Variants in CDCA2 observed in about 807,000 individuals in gnomAD.
CDCA2 encodes the protein cell division cycle-associated protein 2.
In CDCA2, 44 loss-of-function variants were observed where a neutral mutation model predicts 67.0. The observed-to-expected ratio is 0.66, with a 90% CI of 0.52 to 0.84. The LOEUF is 0.84. Among genes scored for constraint, CDCA2 ranks in the 40% least tolerant of loss-of-function variants. CDCA2 has a pLI of 0.00. For missense variants in CDCA2, 1,253 were observed against 1,203.2 expected, an observed-to-expected ratio of 1.04 and a Z score of -0.61; for synonymous variants, 447 against 418.7, an observed-to-expected ratio of 1.07 and a Z score of -0.82.
In CDCA2 at chr8:25,487,235, T is replaced by A; in HGVS notation, c.1445-11T>A. On this transcript the variant is annotated splice_polypyrimidine_tract_variant and intron_variant, in intron 11 of 14. Transcript: ENST00000330560. Reference sequence around the variant, plus strand: ...TTCCTACCCTGATTTAGCTTTTGTCTTGTTTATCAGGCACTGATACCTTTA... The same window carrying A: ...TTCCTACCCTGATTTAGCTTTTGTCATGTTTATCAGGCACTGATACCTTTA... The A allele has an allele frequency of 6.3e-7, 1 of 1,589,636 alleles. No individual in the cohort carries two copies. Among genetic ancestry groups the A allele is most frequent in the South Asian group, 1.1e-5 (1 of 89,976 alleles).
chr8:25,480,702 G>A lies in CDCA2; in HGVS notation c.1032+578G>A, dbSNP rs901354299. On this transcript the variant is annotated intron_variant, in intron 8 of 14. Coordinates refer to ENST00000330560, the MANE Select transcript of CDCA2 (RefSeq NM_152562.4). ...TGTTTGACATACACTTAGGCTTGTA[G>A]GTTGTTAAGTGAACCCAGATAAGTC... 1.2e-4 allele frequency among the ~76,000 whole-genome samples: 19 copies of A among 152,282 alleles called. No homozygotes were observed. In the East Asian group the frequency reaches 3.7e-3, roughly 29 times the overall value.
intron 7 of CDCA2, chr8:25,479,650 A>C: frequency 2.1e-6 from 1 of 483,114 alleles, no homozygotes; most frequent in South Asian, 2.1e-5. Flanking sequence ...TCAACCTCTG[A>C]CTCAGAGATT....
intron 13 of CDCA2, 148 bp downstream of exon 13, chr8:25,488,837 G>A: frequency 1.4e-6 from 1 of 702,696 alleles, no homozygotes; most frequent in South Asian, 2.4e-5. Context: ...AATGGGGTGG[G>A]GGGGTTATGT....
chr8:25,483,621 G>C lies in CDCA2; in HGVS notation c.1120+135G>C, dbSNP rs1374858706. 6 of 641,626 alleles carry C rather than the reference G, an allele frequency of 9.4e-6. No individual in the cohort carries two copies. The African/African-American group carries it at 1.1e-4, about 12-fold the overall frequency. The allele number at this position is 641,626 out of a possible 1,614,324, so 39.7% of individuals were successfully genotyped here. ...AATAACACGTGAATGAAGAACAGTT[G>C]AGAAGGTTAGAATCTCCTTGGAGAG... is the stretch of plus-strand genomic sequence containing the variant. On this transcript the variant is annotated intron_variant, in intron 9 of 14. Transcript: ENST00000330560.
intron 7 of CDCA2, among the ~76,000 whole-genome samples, chr8:25,478,711 G>T (rs923328465): frequency 6.6e-6 from 1 of 151,914 alleles, no homozygotes; most frequent in African/African-American, 2.4e-5. Flanking sequence ...TTGGCTTTGT[G>T]TGCATAATGT....
chr8:25,507,706 A>T lies in CDCA2; in HGVS notation c.3040A>T (p.Arg1014Trp). 6.2e-7 allele frequency: 1 copy of T among 1,612,884 alleles called. No homozygotes were observed. Among genetic ancestry groups the T allele is most frequent in the Non-Finnish European group, 8.5e-7 (1 of 1,179,692 alleles). ...AGAGAGCTCTCTGACTGCCTTGGAA[A>T]GGATTGAACATAATGGAGAAAGAAA... is the stretch of plus-strand genomic sequence containing the variant. ...KGESSLTALE[R>W]IEHNGERKQ is the part of the protein sequence containing the mutation. The change falls in exon 15 of 15, where the codon AGG becomes TGG. Residue 1014 changes from arginine to tryptophan, a missense_variant. Transcript: ENST00000330560.
intron 13 of CDCA2, among the ~76,000 whole-genome samples, chr8:25,497,695 A>G (rs1445955510): frequency 6.6e-6 from 1 of 152,108 alleles, no homozygotes; most frequent in Admixed American, 6.6e-5. Flanking sequence ...GAAAATTGCT[A>G]AGAGATGACA....
intron 13 of CDCA2, among the ~76,000 whole-genome samples, chr8:25,502,420 G>A (rs1179833571): frequency 3.3e-5 from 5 of 151,822 alleles, no homozygotes; most frequent in Admixed American, 1.3e-4. Context: ...ACCCCATTCC[G>A]GATATTATTA....
At chr8:25,494,855 A>G (rs1449395947) in intron 13 of CDCA2, among the ~76,000 whole-genome samples, 1 of 151,884 alleles carries the variant, frequency 6.6e-6, no homozygotes, top group Non-Finnish European at 1.5e-5. Context: ...ATTCGGACCC[A>G]CATAAGGACA....
At position 25,493,563 on chromosome 8, in the gene CDCA2, T is replaced by C. The variant is rs150433529; in HGVS notation, c.1671+4874T>C. ...ACCAAGGATTAATGTCACTAATATT[T>C]GAAGAGCTTCTAAATTACTTAGAAA... On this transcript the variant is annotated intron_variant, in intron 13 of 14. Coordinates refer to ENST00000330560, the MANE Select transcript of CDCA2 (RefSeq NM_152562.4). Among the ~76,000 whole-genome samples the C allele has an allele frequency of 3.7e-4, 56 of 152,316 alleles. No homozygotes were observed. The East Asian group carries it at 0.011, about 29-fold the overall frequency.
At position 25,462,051 on chromosome 8, in the gene CDCA2, C is replaced by T. The variant is rs1338916800; in HGVS notation, c.233-3C>T. On this transcript the variant is annotated splice_polypyrimidine_tract_variant and splice_region_variant and intron_variant, in intron 3 of 14. Transcript: ENST00000330560. ...TCCAATTTATAAGAGAGTTTCATTA[C>T]AGGAAAGTCATCATCCTACCTTAAA... The T allele has an allele frequency of 6.2e-7, 1 of 1,611,864 alleles. No homozygotes were observed. Among genetic ancestry groups the T allele is most frequent in the East Asian group, 2.2e-5 (1 of 44,808 alleles).
intron 13 of CDCA2, among the ~76,000 whole-genome samples, chr8:25,497,667 AAAT>A: frequency 6.6e-6 from 1 of 152,104 alleles, no homozygotes; most frequent in Non-Finnish European, 1.5e-5. Flanking sequence ...GGTGACTAGG[AAAT>A]AATAATGTAT....
chr8:25,507,337 C>G lies in CDCA2; in HGVS notation c.2671C>G (p.Arg891Gly). ...GAGGAGAAATAGTGAAACCAAAGTGCGACGTAGCACGAGGCTACAGAAGGA... is the reference window on the plus strand; with the variant it reads ...GAGGAGAAATAGTGAAACCAAAGTGGGACGTAGCACGAGGCTACAGAAGGA... ...FQRRNSETKV[R>G]RSTRLQKDLE... The change falls in exon 15 of 15, where the codon CGA becomes GGA. Residue 891 changes from arginine (R) to glycine (G), a missense_variant. Coordinates refer to ENST00000330560, the MANE Select transcript of CDCA2 (RefSeq NM_152562.4). The G allele has an allele frequency of 6.2e-7, 1 of 1,613,700 alleles. No homozygotes were observed. Among genetic ancestry groups the G allele is most frequent in the Non-Finnish European group, 8.5e-7 (1 of 1,179,906 alleles).
Position 25,468,229 on chromosome 8 carries a change from G to A in CDCA2, c.551G>A (p.Gly184Asp). ...SEMTDLTRKE[G>D]LSACQQSGFP... Reference sequence around the variant, plus strand: ...TTTGTGTTTATAGCCAGAAAGGAAGGTCTCAGCGCTTGCCAGCAGTCTGGG... The same window carrying A: ...TTTGTGTTTATAGCCAGAAAGGAAGATCTCAGCGCTTGCCAGCAGTCTGGG... Residue 184 changes from glycine to aspartate, a missense_variant, in exon 6 of 15, where the codon GGT becomes GAT. Physicochemically the swap from Gly to Asp is moderately conservative, Grantham distance 94. Coordinates refer to ENST00000330560, the MANE Select transcript of CDCA2 (RefSeq NM_152562.4). 6.2e-7 allele frequency: 1 copy of A among 1,601,810 alleles called. No homozygotes were observed. The highest frequency in any genetic ancestry group is 8.5e-7 in the Non-Finnish European group (1 of 1,172,818).
chr8:25,487,365 G>A (rs1586505113), intron 12 of CDCA2, 31 bp downstream of exon 12: 1 of 1,415,980 alleles, frequency 7.1e-7, no homozygotes, highest in Non-Finnish European at 9.9e-7. Flanking sequence ...CAACGTATTT[G>A]TTTTTAAATC....
Position 25,479,760 on chromosome 8 carries a change from A to G in CDCA2, c.821-153A>G, listed in dbSNP as rs1331544757. On this transcript the variant is annotated intron_variant, in intron 7 of 14. Transcript: ENST00000330560. The stretch of plus-strand genomic sequence containing the variant: ...TTCTTTACCTCCTTTTCTGTTTCCA[A>G]ATGAAATCCCAGACGTTACTGCCCA... 4.4e-6 allele frequency: 3 copies of G among 685,834 alleles called. No homozygotes were observed. The Admixed American group carries it at 8.4e-5, about 19-fold the overall frequency. 42.5% of individuals were successfully genotyped at this position (685,834 alleles called of 1,614,324 possible). A position where few individuals can be genotyped will look rare whatever the true frequency, so the allele number is the denominator to read the frequency against.
chr8:25,485,964 A>C (rs1803760383), intron 11 of CDCA2, 127 bp downstream of exon 11: 1 of 527,328 alleles, frequency 1.9e-6, no homozygotes. Context: ...AAAACACCTA[A>C]TAGTATTGGG....
At position 25,503,487 on chromosome 8, in the gene CDCA2, C is replaced by T; in HGVS notation, c.1786C>T (p.Leu596=). The T allele has an allele frequency of 6.2e-7, 1 of 1,614,004 alleles. No individual in the cohort carries two copies. The highest frequency in any genetic ancestry group is 8.5e-7 in the Non-Finnish European group (1 of 1,179,958). The change falls in exon 14 of 15, where the codon CTG becomes TTG. Residue 596 remains leucine, a synonymous_variant. Coordinates refer to ENST00000330560, the MANE Select transcript of CDCA2 (RefSeq NM_152562.4). ...GCCCCTCCTCAGTCCTATTCCCGAG[C>T]TGCCTGAAGTCCCTGAGATGACACC... ...KKPLLSPIPE[L]PEVPEMTPSI...
In CDCA2 at chr8:25,490,163, A is replaced by T. The variant is rs138794346; in HGVS notation, c.1671+1474A>T. 4.3e-4 allele frequency among the ~76,000 whole-genome samples: 66 copies of T among 152,302 alleles called. No homozygotes were observed. In the East Asian group the frequency reaches 0.011, roughly 26 times the overall value. On this transcript the variant is annotated intron_variant, in intron 13 of 14. Coordinates refer to ENST00000330560, the MANE Select transcript of CDCA2 (RefSeq NM_152562.4). The stretch of plus-strand genomic sequence containing the variant: ...GAAAAAATACCATTAATTCAAAAAT[A>T]TACATACAACTTATTACATTAGAAA...
Sources: gnomAD v4.1 joint callset for allele counts (sites outside exome capture counted in the v4.1 genomes callset) on GRCh38, gnomAD v4.1.1 for gene constraint, MANE v1.5 for transcripts, NCBI Gene and HGNC (gene_info 2026-07-23, HGNC 2026-07-21) for gene names.